The following ITPA variants were observed in gnomAD, a reference collection of about 807,000 sequenced individuals.
ITPA encodes inosine triphosphatase.
Under a neutral mutation model 29.6 loss-of-function variants are expected in ITPA, and 29 were observed. The observed-to-expected ratio is 0.98, with a 90% CI of 0.73 to 1.34. The LOEUF (loss-of-function observed/expected upper bound fraction) is 1.34. Ranked by LOEUF, ITPA falls within the 40% of genes most tolerant of loss-of-function variation. The pLI, the probability that ITPA is intolerant of heterozygous loss-of-function variation, is 0.00. For synonymous variants in ITPA, 103 were observed against 99.3 expected (o/e 1.04, Z -0.22); for missense variants, 241 against 251.5 (o/e 0.96, Z 0.28).
upstream of ITPA, chr20:3,204,581 C>T: frequency 6.3e-7 from 1 of 1,580,458 alleles, no homozygotes; most frequent in South Asian, 1.1e-5. Context: ...GAGGATAAAG[C>T]CGACTAGCAG....
chr20:3,216,674 A>G (rs2067308591), intron 5 of ITPA, among the ~76,000 whole-genome samples: 2 of 151,146 alleles, frequency 1.3e-5, no homozygotes. Context: ...CTGGTCTCGA[A>G]CTCCTGACCT....
chr20:3,224,168 A>C (rs1031314881), downstream of ITPA, among the ~76,000 whole-genome samples: 1 of 152,152 alleles, frequency 6.6e-6, no homozygotes, highest in African/African-American at 2.4e-5. Context: ...GTTACACATC[A>C]GAGCCGCGAA....
downstream of ITPA, among the ~76,000 whole-genome samples, chr20:3,226,629 G>A (rs2067557591): frequency 6.6e-6 from 1 of 152,202 alleles, no homozygotes. This position sits in a 1 kb window ranked among gnomAD's most constrained non-coding sequence, Gnocchi z 4.4. Flanking sequence ...TGTTGGGGCT[G>A]CTGTCCTTTG....
chr20:3,221,904 G>A lies in ITPA; in HGVS notation c.475G>A (p.Gly159Arg). The change falls in exon 7 of 8, where the codon GGA becomes AGA. Residue 159 changes from glycine (G) to arginine (R), a missense_variant. By Grantham distance (125) the Gly-to-Arg change is moderately radical. Transcript: ENST00000380113. ...CTGGGACCCCTGCTTTCAGCCTGAT[G>A]GATATGAGCAGACGTAAGGAGCCCT... is the stretch of plus-strand genomic sequence containing the variant. Reference protein sequence around the residue: ...FGWDPCFQPDGYEQTYAEMPK... With the variant: ...FGWDPCFQPDRYEQTYAEMPK... 1 of 1,613,994 alleles carries A rather than the reference G, an allele frequency of 6.2e-7. No individual in the cohort carries two copies. Among genetic ancestry groups the A allele is most frequent in the Non-Finnish European group, 8.5e-7 (1 of 1,180,008 alleles).
intron 6 of ITPA, chr20:3,219,006 C>T (rs1411905083): frequency 4.1e-6 from 1 of 245,778 alleles, no homozygotes; most frequent in African/African-American, 2.3e-5. Context: ...TGACAATTCC[C>T]AAAGCTATTT....
chr20:3,213,014 G>GGACCCTGAAAGCCGGGGTGA (rs2067208093), intron 1 of ITPA, among the ~76,000 whole-genome samples, 155 bp from the exon 2 acceptor site: 1 of 152,074 alleles, frequency 6.6e-6, no homozygotes, highest in Admixed American at 6.6e-5. Context: ...TGCTGGGGTG[G>GGACCCTGAAAGCCGGGGTGA]GACCCTGAAA....
upstream of ITPA, chr20:3,209,163 T>C (rs996524346): frequency 3.1e-6 from 1 of 317,628 alleles, no homozygotes; most frequent in Non-Finnish European, 6.1e-6. This position sits in a 1 kb window ranked among gnomAD's most constrained non-coding sequence, Gnocchi z 4.6. Flanking sequence ...AAGGAGGCAG[T>C]TTTTTGAGAC....
chr20:3,221,082 C>T (rs955867146), intron 6 of ITPA, among the ~76,000 whole-genome samples: 7 of 151,948 alleles, frequency 4.6e-5, no homozygotes, highest in South Asian at 2.1e-4. Flanking sequence ...GATGGGGTTT[C>T]GCCTTTGCCA....
chr20:3,213,698 G>A (rs554151084), intron 3 of ITPA, among the ~76,000 whole-genome samples: 13 of 152,250 alleles, frequency 8.5e-5, no homozygotes, highest in South Asian at 2.1e-4. Flanking sequence ...ACACATGTTC[G>A]TGGAACTGAG....
At chr20:3,209,431 C>G (rs1478019246), upstream of ITPA, 1 of 919,380 alleles carries the variant, frequency 1.1e-6, no homozygotes, top group Non-Finnish European at 1.8e-6. This position sits in a 1 kb window ranked among gnomAD's most constrained non-coding sequence, Gnocchi z 4.6. Context: ...GGGTCCGGGT[C>G]GGCTTTCCCC....
intron 1 of ITPA, among the ~76,000 whole-genome samples, chr20:3,210,938 C>T (rs1294937957): frequency 6.6e-6 from 1 of 151,684 alleles, no homozygotes; most frequent in Non-Finnish European, 1.5e-5. Context: ...GTAGTCCCAG[C>T]TACTCGGGAG....
chr20:3,225,557 G>A (rs1228404963), downstream of ITPA, among the ~76,000 whole-genome samples: 1 of 152,108 alleles, frequency 6.6e-6, no homozygotes, highest in Non-Finnish European at 1.5e-5. Context: ...ACACCCCGGG[G>A]AGGGCACACA....
At chr20:3,224,101 G>A (rs2067532899), downstream of ITPA, among the ~76,000 whole-genome samples, 1 of 152,222 alleles carries the variant, frequency 6.6e-6, no homozygotes, top group Non-Finnish European at 1.5e-5. Flanking sequence ...CCTCCATGAA[G>A]CCTTGCTGGG....
upstream of ITPA, chr20:3,204,760 A>G: frequency 2.5e-6 from 2 of 808,692 alleles, no homozygotes; most frequent in Non-Finnish European, 3.8e-6. Context: ...GAGAGGCTTT[A>G]ATGTCAGACA....
intron 3 of ITPA, 146 bp downstream of exon 3, chr20:3,213,529 C>CAGTGTTCCAAAGCCAA: frequency 1.1e-6 from 1 of 906,914 alleles, no homozygotes; most frequent in Non-Finnish European, 1.7e-6. Flanking sequence ...TTAATATTGG[C>CAGTGTTCCAAAGCCAA]TTTGGAACAC....
intron 4 of ITPA, among the ~76,000 whole-genome samples, chr20:3,214,526 C>T (rs1193695597): frequency 6.6e-6 from 1 of 150,726 alleles, no homozygotes; most frequent in Non-Finnish European, 1.5e-5. Context: ...GTCACCACAC[C>T]CAGCTAATTT....
upstream of ITPA, among the ~76,000 whole-genome samples, chr20:3,206,523 C>T (rs1182292251): frequency 6.6e-6 from 1 of 151,876 alleles, no homozygotes; most frequent in African/African-American, 2.4e-5. Context: ...ATGGAGAAAC[C>T]CCATCTCTAC....
chr20:3,226,529 T>C (rs1281314590), downstream of ITPA, among the ~76,000 whole-genome samples: 1 of 152,014 alleles, frequency 6.6e-6, no homozygotes, highest in African/African-American at 2.4e-5. The surrounding 1 kb of genome is among the most constrained non-coding windows in gnomAD (Gnocchi z 4.4). Flanking sequence ...GGGCTTACGT[T>C]TCTCTAATTA....
intron 5 of ITPA, among the ~76,000 whole-genome samples, chr20:3,216,450 G>C (rs893901891): frequency 1.4e-5 from 2 of 141,222 alleles, no homozygotes; most frequent in Non-Finnish European, 3.1e-5. Flanking sequence ...GAGTTACCAT[G>C]CCTGGCCTTT....
Sources: allele counts gnomAD v4.1 joint callset (sites outside exome capture counted in the v4.1 genomes callset), GRCh38; gene constraint gnomAD v4.1.1; non-coding constraint Gnocchi (gnomAD v3.1); transcripts MANE v1.5; gene names NCBI Gene and HGNC (gene_info 2026-07-23, HGNC 2026-07-21).